Variants in WWOX observed in about 807,000 individuals in gnomAD.
WWOX encodes WW domain-containing oxidoreductase.
A neutral mutation model predicts 46.2 loss-of-function variants in WWOX; 69 were observed. That is an observed-to-expected ratio of 1.49 (90% CI 1.23 to 1.82). The LOEUF (loss-of-function observed/expected upper bound fraction) is 1.82. Among genes scored for constraint, WWOX ranks in the 40% most tolerant of loss-of-function variants. The pLI, the probability that WWOX is intolerant of heterozygous loss-of-function variation, is 0.00. For synonymous variants in WWOX, 359 were observed against 202.6 expected, an observed-to-expected ratio of 1.77 and a Z score of -6.56; for missense variants, 919 against 542.6, an observed-to-expected ratio of 1.69 and a Z score of -6.89.
intron 5 of WWOX, among the ~76,000 whole-genome samples, chr16:78,293,505 T>C (rs895650993): frequency 2.6e-5 from 4 of 152,200 alleles, no homozygotes; most frequent in African/African-American, 9.6e-5. Flanking sequence ...CTAAGCTCTA[T>C]GGATCACTTG....
intron 6 of WWOX, among the ~76,000 whole-genome samples, chr16:78,396,432 C>T (rs7191058): frequency 6.6e-6 from 1 of 152,084 alleles, no homozygotes; most frequent in Non-Finnish European, 1.5e-5. Flanking sequence ...CCAACAGAAT[C>T]CTAGGTTTAA....
chr16:79,173,922 A>G (rs1197009816), intron 8 of WWOX, among the ~76,000 whole-genome samples: 9 of 151,006 alleles, frequency 6.0e-5, no homozygotes, highest in African/African-American at 1.9e-4. Flanking sequence ...TCACTTTTCA[A>G]AGTGTTTAAT....
chr16:79,121,621 A>G (rs1447852040), intron 8 of WWOX, among the ~76,000 whole-genome samples: 2 of 152,128 alleles, frequency 1.3e-5, no homozygotes, highest in East Asian at 1.9e-4. Context: ...TAGGATTTCA[A>G]AGACTCCATG....
intron 5 of WWOX, among the ~76,000 whole-genome samples, chr16:78,218,470 T>C (rs893999219): frequency 4.6e-5 from 7 of 152,110 alleles, no homozygotes; most frequent in African/African-American, 1.7e-4. Flanking sequence ...TGTGTGAGGA[T>C]GCCAGGAGGC....
chr16:79,052,810 T>A (rs1446645020), intron 8 of WWOX, among the ~76,000 whole-genome samples: 2 of 152,224 alleles, frequency 1.3e-5, no homozygotes, highest in East Asian at 3.9e-4. Context: ...CGAGTGCTAT[T>A]TCTTTATGGC....
intron 8 of WWOX, among the ~76,000 whole-genome samples, chr16:79,107,656 C>G (rs1007884911): frequency 6.6e-6 from 1 of 152,140 alleles, no homozygotes; most frequent in African/African-American, 2.4e-5. Flanking sequence ...TCGTAATAGG[C>G]GACATGCACA....
intron 8 of WWOX, among the ~76,000 whole-genome samples, chr16:78,588,053 C>T (rs1462672386): frequency 1.3e-5 from 2 of 152,180 alleles, no homozygotes; most frequent in East Asian, 3.9e-4. Flanking sequence ...GTATCTGCTC[C>T]CTGGGTGGTG....
intron 8 of WWOX, among the ~76,000 whole-genome samples, chr16:78,967,284 G>T (rs913061239): frequency 1.7e-5 from 2 of 116,242 alleles, no homozygotes; most frequent in Non-Finnish European, 3.5e-5. Context: ...GCCTGCCGAG[G>T]CCTTTTTTTT....
At chr16:79,018,664 C>A (rs911385364) in intron 8 of WWOX, among the ~76,000 whole-genome samples, 2 of 152,128 alleles carry the variant, frequency 1.3e-5, no homozygotes, top group African/African-American at 4.8e-5. Flanking sequence ...ATCATGCTCA[C>A]CCCAATCAAT....
intron 5 of WWOX, among the ~76,000 whole-genome samples, chr16:78,262,039 G>C (rs915002115): frequency 7.2e-6 from 1 of 138,114 alleles, no homozygotes; most frequent in African/African-American, 2.7e-5. Flanking sequence ...GCAGTGAGTT[G>C]AGAGCATGCC....
At chr16:78,994,969 C>CTTTTTTTTTTTTTTT (rs869088414) in intron 8 of WWOX, among the ~76,000 whole-genome samples, 44 of 114,648 alleles carry the variant, frequency 3.8e-4, no homozygotes, top group Non-Finnish European at 5.6e-4. Context: ...TCTTCTTCTT[C>CTTTTTTTTTTTTTTT]TTTTTTTTTT....
At chr16:79,121,295 A>G (rs1371021507) in intron 8 of WWOX, among the ~76,000 whole-genome samples, 1 of 152,208 alleles carries the variant, frequency 6.6e-6, no homozygotes, top group East Asian at 1.9e-4. Context: ...TGAGTACAGC[A>G]TTTGTGAAAA....
intron 8 of WWOX, among the ~76,000 whole-genome samples, chr16:78,647,647 G>C (rs1379266468): frequency 6.6e-6 from 1 of 152,308 alleles, no homozygotes; most frequent in East Asian, 1.9e-4. Flanking sequence ...ACTGAGTGCT[G>C]ACAGGCACAT....
intron 7 of WWOX, among the ~76,000 whole-genome samples, chr16:78,429,602 C>G (rs545587445): frequency 6.6e-6 from 1 of 152,214 alleles, no homozygotes; most frequent in African/African-American, 2.4e-5. Flanking sequence ...CTCTCTAAAT[C>G]CTTGTCCCTG....
rs1041842584 is a variant in WWOX, at chr16:78,777,400, T to C, written c.1056+344648T>C. ...GTATGACCAGGGGCTGGACTTTTAG[T>C]TTAATTTTTTGTAATTTAAATAATT... is the stretch of plus-strand genomic sequence containing the variant. On this transcript the variant is annotated intron_variant, in intron 8 of 8. Coordinates refer to ENST00000566780, the MANE Select transcript of WWOX (RefSeq NM_016373.4). 3.3e-5 allele frequency among the ~76,000 whole-genome samples: 5 copies of C among 152,168 alleles called. No individual in the cohort carries two copies. The East Asian group carries it at 5.8e-4, about 18-fold the overall frequency.
intron 8 of WWOX, among the ~76,000 whole-genome samples, chr16:79,187,786 C>T (rs1375167480): frequency 6.6e-6 from 1 of 152,260 alleles, no homozygotes; most frequent in Non-Finnish European, 1.5e-5. Flanking sequence ...AAGCAATGCA[C>T]TGGCCTTGGC....
At chr16:78,976,706 A>G (rs945247925) in intron 8 of WWOX, among the ~76,000 whole-genome samples, 1 of 152,214 alleles carries the variant, frequency 6.6e-6, no homozygotes, top group African/African-American at 2.4e-5. Flanking sequence ...GAGACCCACC[A>G]GGAGCTCACC....
At chr16:78,727,689 C>T (rs1048185401) in intron 8 of WWOX, among the ~76,000 whole-genome samples, 2 of 152,076 alleles carry the variant, frequency 1.3e-5, no homozygotes, top group African/African-American at 4.8e-5. Flanking sequence ...CTTTCAGTAA[C>T]AACTGAAAGG....
intron 8 of WWOX, among the ~76,000 whole-genome samples, chr16:79,129,972 A>C (rs2049842837): frequency 1.3e-5 from 2 of 152,198 alleles, no homozygotes; most frequent in South Asian, 2.1e-4. Context: ...CCGTTTCCTC[A>C]TCTGTAAAAT....
Sources: gnomAD v4.1 joint callset for allele counts (sites outside exome capture counted in the v4.1 genomes callset) on GRCh38, gnomAD v4.1.1 for gene constraint, MANE v1.5 for transcripts, NCBI Gene and HGNC (gene_info 2026-07-23, HGNC 2026-07-21) for gene names.